Variants in CAT observed in about 807,000 individuals in gnomAD.
The protein encoded by CAT is epididymis secretory sperm binding protein.
In CAT, 43 loss-of-function variants were observed where a neutral mutation model predicts 59.0. The observed-to-expected ratio is 0.73, with a 90% CI of 0.57 to 0.94. CAT has a LOEUF of 0.94. Among genes scored for constraint, CAT ranks in the 40% least tolerant of loss-of-function variants. The pLI is 0.00. For missense variants in CAT, 664 were observed against 682.9 expected (o/e 0.97, Z 0.31); for synonymous variants, 218 against 230.9 (o/e 0.94, Z 0.51).
At position 34,471,779 on chromosome 11, in the gene CAT, T is replaced by G; in HGVS notation, c.*346T>G. 1 of 275,482 alleles carries G rather than the reference T, an allele frequency of 3.6e-6. No homozygotes were observed. The highest frequency in any genetic ancestry group is 7.1e-6 in the Non-Finnish European group (1 of 140,932). The allele number at this position is 275,482 out of a possible 1,614,324, so 17.1% of individuals were successfully genotyped here. On this transcript the variant is annotated 3_prime_UTR_variant, in exon 13 of 13. Transcript: ENST00000241052. ...TTACATATCACCTCATGGCCTATTA[T>G]ATTAAAATATGGCTATAAATATATA...
At chr11:34,445,765 T>C (rs1473012615) in intron 1 of CAT, among the ~76,000 whole-genome samples, 1 of 152,152 alleles carries the variant, frequency 6.6e-6, no homozygotes, top group African/African-American at 2.4e-5. Context: ...AAAAATATTC[T>C]GGCTCTAAAG....
At chr11:34,456,382 G>GT (rs1369905823) in intron 7 of CAT, among the ~76,000 whole-genome samples, 180 bp downstream of exon 7, 1 of 152,188 alleles carries the variant, frequency 6.6e-6, no homozygotes, top group Non-Finnish European at 1.5e-5. Flanking sequence ...CCACGTTCCT[G>GT]TTTGTCATTT....
At chr11:34,457,757 C>T (rs763457399) in intron 8 of CAT, among the ~76,000 whole-genome samples, 2 of 152,134 alleles carry the variant, frequency 1.3e-5, no homozygotes, top group African/African-American at 4.8e-5. Flanking sequence ...CTGTATAAAT[C>T]AATCTTTTGT....
At chr11:34,445,279 C>T (rs1856436390) in intron 1 of CAT, among the ~76,000 whole-genome samples, 1 of 151,804 alleles carries the variant, frequency 6.6e-6, no homozygotes, top group South Asian at 2.1e-4. Context: ...TTCTTGAGGT[C>T]AGGAGTTTGA....
chr11:34,445,234 A>C (rs1856435880), intron 1 of CAT, among the ~76,000 whole-genome samples: 1 of 152,134 alleles, frequency 6.6e-6, no homozygotes, highest in Non-Finnish European at 1.5e-5. Flanking sequence ...TCACGCCTAT[A>C]ATCCCAGCAC....
chr11:34,453,177 C>T lies in CAT; in HGVS notation c.568C>T (p.Pro190Ser). Residue 190 changes from proline to serine, a missense_variant, in exon 5 of 13, where the codon CCT becomes TCT. Transcript: ENST00000241052. ...DMVWDFWSLRPESLHQVSFLF... is the reference protein window; with the variant it reads ...DMVWDFWSLRSESLHQVSFLF... The stretch of plus-strand genomic sequence containing the variant: ...GGTCTGGGACTTCTGGAGCCTACGT[C>T]CTGAGTCTCTGCATCAGGTATGAAC... The T allele has an allele frequency of 6.2e-7, 1 of 1,609,204 alleles. No homozygotes were observed. Among genetic ancestry groups the T allele is most frequent in the Middle Eastern group, 1.7e-4 (1 of 6,050 alleles).
intron 1 of CAT, among the ~76,000 whole-genome samples, chr11:34,442,251 C>A (rs1299555743): frequency 6.6e-6 from 1 of 152,176 alleles, no homozygotes; most frequent in Admixed American, 6.5e-5. Flanking sequence ...CATGTGGAAT[C>A]ATGTGTAGGC....
intron 10 of CAT, among the ~76,000 whole-genome samples, chr11:34,465,610 T>C (rs1417403049): frequency 6.6e-6 from 1 of 152,224 alleles, no homozygotes; most frequent in Admixed American, 6.5e-5. Flanking sequence ...TGAGAGAATT[T>C]CTTATCACTA....
At chr11:34,456,345 G>T in intron 7 of CAT, 143 bp downstream of exon 7, 1 of 700,218 alleles carries the variant, frequency 1.4e-6, no homozygotes. Flanking sequence ...CCTAAGCTGT[G>T]AATGAGTGCT....
At chr11:34,444,392 C>G (rs1279720325) in intron 1 of CAT, among the ~76,000 whole-genome samples, 1 of 152,176 alleles carries the variant, frequency 6.6e-6, no homozygotes, top group South Asian at 2.1e-4. Context: ...GGATCAGTAT[C>G]TAAGACGGAA....
chr11:34,443,746 A>G (rs999912575), intron 1 of CAT, among the ~76,000 whole-genome samples: 3 of 152,032 alleles, frequency 2.0e-5, no homozygotes, highest in African/African-American at 7.3e-5. Flanking sequence ...TAGACTATCC[A>G]TTTCTGTCAG....
chr11:34,438,999 A>G lies in CAT; in HGVS notation c.-15A>G, dbSNP rs775538627. ...CGAGGCCTCCTGCAGTGTTCTGCAC[A>G]GCAAACCGCACGCTATGGCTGACAG... On this transcript the variant is annotated 5_prime_UTR_variant, in exon 1 of 13. Transcript: ENST00000241052. 2 of 1,582,690 alleles carry G rather than the reference A, an allele frequency of 1.3e-6. No homozygotes were observed. Among genetic ancestry groups the G allele is most frequent in the East Asian group, 2.3e-5 (1 of 42,894 alleles).
chr11:34,460,449 T>C (rs966787779), intron 8 of CAT, among the ~76,000 whole-genome samples: 9,427 of 132,878 alleles, frequency 0.071, 175 homozygotes, highest in East Asian at 0.19. Context: ...GGCGGTACTT[T>C]TTTTTTTTTT....
chr11:34,439,736 G>T (rs555872082), intron 1 of CAT, among the ~76,000 whole-genome samples: 1 of 152,222 alleles, frequency 6.6e-6, no homozygotes, highest in African/African-American at 2.4e-5. Flanking sequence ...CACTGTTCGG[G>T]GCAAGGTGTA....
intron 2 of CAT, among the ~76,000 whole-genome samples, chr11:34,450,702 T>C (rs939956922): frequency 1.3e-5 from 2 of 152,232 alleles, no homozygotes; most frequent in Non-Finnish European, 2.9e-5. Flanking sequence ...CAGGCCCCTC[T>C]GAGACCCTGT....
At chr11:34,468,630 T>G (rs925059804) in intron 11 of CAT, 23 of 583,104 alleles carry the variant, frequency 3.9e-5, no homozygotes, top group Non-Finnish European at 7.0e-5. Flanking sequence ...CTAATTTAGT[T>G]GTGTTCAGAC....
intron 10 of CAT, 37 bp downstream of exon 10, chr11:34,464,272 G>A (rs763698194): frequency 4.4e-6 from 7 of 1,602,840 alleles, no homozygotes; most frequent in Non-Finnish European, 6.0e-6. Context: ...GAAGTCACCT[G>A]CTAATTCTCC....
Position 34,470,149 on chromosome 11 carries a change from G to A in CAT, c.1435-809G>A, listed in dbSNP as rs74936025. Among the ~76,000 whole-genome samples, 628 of 152,248 alleles carry A rather than the reference G, an allele frequency of 4.1e-3. 6 individuals carry two copies. Among genetic ancestry groups the A allele is most frequent in the African/African-American group, 0.014 (597 of 41,532 alleles). The stretch of plus-strand genomic sequence containing the variant: ...AGGTACCCTGGCTATGCACACTTCT[G>A]CAGATTCTGACTGCAAATCAAACCC... On this transcript the variant is annotated intron_variant, in intron 11 of 12. Transcript: ENST00000241052.
intron 8 of CAT, chr11:34,460,665 C>T (rs1326216781): frequency 1.8e-5 from 3 of 164,738 alleles, no homozygotes; most frequent in Admixed American, 1.2e-4. Flanking sequence ...GTTGCCCAGG[C>T]TGGTCTCAAA....
Sources: gnomAD v4.1 joint callset for allele counts (sites outside exome capture counted in the v4.1 genomes callset) on GRCh38, gnomAD v4.1.1 for gene constraint, MANE v1.5 for transcripts, NCBI Gene and HGNC (gene_info 2026-07-23, HGNC 2026-07-21) for gene names.